Variants in ELOVL6 observed in about 807,000 individuals in gnomAD.
The protein encoded by ELOVL6 is ELOVL fatty acid elongase 6, also known as very long chain fatty acid elongase 6.
A neutral mutation model predicts 31.7 loss-of-function variants in ELOVL6; 8 were observed. That is an observed-to-expected ratio of 0.25 (90% CI 0.15 to 0.45). The LOEUF is 0.45. Ranked by LOEUF, ELOVL6 falls within the 20% of genes least tolerant of loss-of-function variation. The pLI, the probability that ELOVL6 is intolerant of heterozygous loss-of-function variation, is 1.00. For missense variants in ELOVL6, 126 were observed against 326.4 expected (o/e 0.39, Z 4.73); for synonymous variants, 101 against 117.7 (o/e 0.86, Z 0.92).
At chr4:110,134,024 G>A (rs767124037) in intron 1 of ELOVL6, among the ~76,000 whole-genome samples, 3 of 152,136 alleles carry the variant, frequency 2.0e-5, no homozygotes, top group African/African-American at 7.2e-5. Context: ...TACTTATAAG[G>A]CTTACCGGCA....
chr4:110,141,513 G>A (rs1035502007), intron 1 of ELOVL6, among the ~76,000 whole-genome samples: 1 of 151,918 alleles, frequency 6.6e-6, no homozygotes, highest in Non-Finnish European at 1.5e-5. Flanking sequence ...GAGATCTAGG[G>A]ACCAGGAGGG....
At chr4:110,143,321 T>C (rs1758017219) in intron 1 of ELOVL6, among the ~76,000 whole-genome samples, 1 of 152,138 alleles carries the variant, frequency 6.6e-6, no homozygotes, top group Non-Finnish European at 1.5e-5. Context: ...AAAAAATCGT[T>C]TGAGATATTA....
intron 2 of ELOVL6, among the ~76,000 whole-genome samples, chr4:110,076,697 G>C (rs1273885487): frequency 1.3e-5 from 2 of 152,198 alleles, no homozygotes; most frequent in Non-Finnish European, 2.9e-5. Context: ...TTCCAACTGA[G>C]GAACCGGGTT....
rs76713025 is a variant in ELOVL6 at position 110,070,879 on chromosome 4, T to C, written c.222-11125A>G. On this transcript the variant is annotated intron_variant, in intron 2 of 3. Transcript: ENST00000302274. ...GGAACTGTTGAGTCAATTAAACCTC[T>C]TTTTTTTTATAAATTAATCAGCCTC... Among the ~76,000 whole-genome samples the C allele has an allele frequency of 7.2e-5, 10 of 139,398 alleles. No homozygotes were observed. The East Asian group carries it at 1.2e-3, about 17-fold the overall frequency. 91.5% of individuals were successfully genotyped at this position (139,398 alleles called of 152,430 possible).
At chr4:110,140,104 G>A (rs550016805) in intron 1 of ELOVL6, among the ~76,000 whole-genome samples, 11 of 152,268 alleles carry the variant, frequency 7.2e-5, no homozygotes, top group Non-Finnish European at 1.5e-4. Flanking sequence ...GTCCTTTACT[G>A]CCCATGCCAC....
chr4:110,129,947 G>C (rs1757620854), intron 1 of ELOVL6, among the ~76,000 whole-genome samples: 1 of 129,110 alleles, frequency 7.7e-6, no homozygotes, highest in East Asian at 2.4e-4. Flanking sequence ...TCACCAGGCT[G>C]GAGTGCAGTA....
chr4:110,084,867 A>G lies in ELOVL6; in HGVS notation c.221+20630T>C, dbSNP rs569057125. ...CTTGGCTTCCCAAAGTGCTGGGATT[A>G]CAGGTGTGAGCCACCGTGCCCGGCG... On this transcript the variant is annotated intron_variant, in intron 2 of 3. Transcript: ENST00000302274. Among the ~76,000 whole-genome samples the G allele has an allele frequency of 3.9e-5, 6 of 151,902 alleles. No homozygotes were observed. In the South Asian group the frequency reaches 1.2e-3, roughly 32 times the overall value.
intron 1 of ELOVL6, among the ~76,000 whole-genome samples, chr4:110,183,519 T>A (rs1012950671): frequency 6.6e-6 from 1 of 152,208 alleles, no homozygotes; most frequent in African/African-American, 2.4e-5. Context: ...CATATTTGGC[T>A]CAGAATAAAT....
intron 2 of ELOVL6, among the ~76,000 whole-genome samples, chr4:110,088,661 T>C (rs1756337408): frequency 1.3e-5 from 2 of 152,196 alleles, no homozygotes; most frequent in Non-Finnish European, 2.9e-5. Flanking sequence ...CTCTTTGGCA[T>C]ATCCAAGTAG....
In ELOVL6 at chr4:110,059,736, T is replaced by G; in HGVS notation, c.240A>C (p.Arg80=). ...LAVFSIFGAL[R]TGAYMVYILM... ...AAATGTACACCATATAAGCACCAGT[T>G]CGAAGAGCACCGAATATACTTCATA... Residue 80 remains arginine, a synonymous_variant, in exon 3 of 4, where the codon CGA becomes CGC. Coordinates refer to ENST00000302274, the MANE Select transcript of ELOVL6 (RefSeq NM_024090.3). The G allele has an allele frequency of 6.2e-7, 1 of 1,613,546 alleles. No individual in the cohort carries two copies.
intron 2 of ELOVL6, among the ~76,000 whole-genome samples, chr4:110,072,707 G>C (rs1328407681): frequency 6.6e-6 from 1 of 152,106 alleles, no homozygotes; most frequent in Non-Finnish European, 1.5e-5. Flanking sequence ...CTGACCTGTG[G>C]CCAGTTCAGC....
intron 2 of ELOVL6, among the ~76,000 whole-genome samples, chr4:110,081,264 A>T (rs909704262): frequency 4.6e-5 from 7 of 152,232 alleles, no homozygotes; most frequent in African/African-American, 1.7e-4. Flanking sequence ...TATGGAACCA[A>T]AAAAGAGCCT....
chr4:110,121,473 T>C (rs998912195), intron 1 of ELOVL6, among the ~76,000 whole-genome samples: 1 of 152,164 alleles, frequency 6.6e-6, no homozygotes, highest in Non-Finnish European at 1.5e-5. Context: ...GAAATCCCAG[T>C]TGGTTCTTAA....
chr4:110,056,360 A>G (rs1427725086), intron 3 of ELOVL6, among the ~76,000 whole-genome samples: 1 of 152,142 alleles, frequency 6.6e-6, no homozygotes, highest in Non-Finnish European at 1.5e-5. Context: ...TCCAAAATGC[A>G]TGGGAAAAAA....
intron 1 of ELOVL6, among the ~76,000 whole-genome samples, chr4:110,146,222 AAGAACATAC>A (rs1232600724): frequency 6.6e-6 from 1 of 152,200 alleles, no homozygotes; most frequent in Non-Finnish European, 1.5e-5. Flanking sequence ...CAAAGTCAAC[AAGAACATAC>A]ACTGAGGAAA....
intron 2 of ELOVL6, among the ~76,000 whole-genome samples, chr4:110,078,365 A>G (rs1271270827): frequency 6.6e-6 from 1 of 152,264 alleles, no homozygotes; most frequent in East Asian, 1.9e-4. Context: ...CACGAAGGGA[A>G]GCCCATGAGA....
intron 1 of ELOVL6, among the ~76,000 whole-genome samples, chr4:110,128,041 CAAAAAAAAAAAAA>C (rs372209158): frequency 8.4e-6 from 1 of 119,740 alleles, no homozygotes; most frequent in Non-Finnish European, 1.8e-5. Flanking sequence ...GATCCTGTCT[CAAAAAAAAAAAAA>C]AAGTAAAAAG....
chr4:110,157,894 A>G (rs1212634434), intron 1 of ELOVL6, among the ~76,000 whole-genome samples: 1 of 152,224 alleles, frequency 6.6e-6, no homozygotes, highest in Non-Finnish European at 1.5e-5. Context: ...ATATATATTC[A>G]TGAAGAAGTG....
chr4:110,122,217 A>G (rs914426141), intron 1 of ELOVL6, among the ~76,000 whole-genome samples: 6 of 152,214 alleles, frequency 3.9e-5, no homozygotes, highest in African/African-American at 1.4e-4. Flanking sequence ...TAAACATTAA[A>G]TTATATGAAG....
Sources: allele counts gnomAD v4.1 joint callset (sites outside exome capture counted in the v4.1 genomes callset), GRCh38; gene constraint gnomAD v4.1.1; transcripts MANE v1.5; gene names NCBI Gene and HGNC (gene_info 2026-07-23, HGNC 2026-07-21).